NBPF11: variants seen among roughly 807,000 people sequenced by gnomAD.
The protein encoded by NBPF11 is NBPF member 11, also known as NBPF family member NBPF11.
A neutral mutation model predicts 93.9 loss-of-function variants in NBPF11; 72 were observed. The ratio of observed to expected loss-of-function variants is 0.77; its 90% CI spans 0.63 to 0.93. The LOEUF is 0.93. NBPF11 is among the 40% of genes least tolerant of loss of function. NBPF11 has a pLI of 0.00. For synonymous variants in NBPF11, 224 were observed against 304.9 expected, an observed-to-expected ratio of 0.73 and a Z score of 2.76; for missense variants, 705 against 802.2, an observed-to-expected ratio of 0.88 and a Z score of 1.46.
chr1:148,119,819 C>T (rs1446010330), intron 10 of NBPF11, among the ~76,000 whole-genome samples: 6 of 152,086 alleles, frequency 3.9e-5, no homozygotes, highest in African/African-American at 1.5e-4. Flanking sequence ...CCACGCCCAT[C>T]TACTTTTTGT....
chr1:148,151,461 C>T (rs1229321252), intron 1 of NBPF11, among the ~76,000 whole-genome samples: 2 of 152,048 alleles, frequency 1.3e-5, no homozygotes, highest in Non-Finnish European at 1.5e-5. Context: ...GAAGACGTGC[C>T]CCCGAAGCTG....
intron 2 of NBPF11, among the ~76,000 whole-genome samples, chr1:148,142,026 AAGGGAGGGAGGAAGGAAGGCAGGG>A (rs1248531786): frequency 5.2e-5 from 7 of 134,808 alleles, no homozygotes; most frequent in Admixed American, 3.7e-4. Context: ...GGAAGGAAGG[AAGGGAGGGAGGAAGGAAGGCAGGG>A]AGGGAGGGAG....
At chr1:148,146,657 T>C (rs1673155096) in intron 1 of NBPF11, 1 of 1,611,288 alleles carries the variant, frequency 6.2e-7, no homozygotes, top group Non-Finnish European at 8.5e-7. Context: ...ACCATCGAGG[T>C]CTTCCCCACC....
chr1:148,104,336 C>A (rs1445199453), intron 23 of NBPF11, among the ~76,000 whole-genome samples: 13,058 of 129,946 alleles, frequency 0.1, 907 homozygotes, highest in East Asian at 0.23. Context: ...AAGTATGGTC[C>A]ACCTATGGTA....
At position 148,126,775 on chromosome 1, in the gene NBPF11, G is replaced by C; in HGVS notation, c.175+54C>G. On this transcript the variant is annotated intron_variant, in intron 5 of 23. Transcript: ENST00000682118. ...GATGAAATTATTTTTGATGGAGAGA[G>C]CATTTAGTGTCTCACATTCATCACT... 3 of 1,580,168 alleles carry C rather than the reference G, an allele frequency of 1.9e-6. No homozygotes were observed. In the South Asian group the frequency reaches 3.3e-5, roughly 17 times the overall value.
In NBPF11 at chr1:148,103,431, C is replaced by T. The variant is rs1662751278; in HGVS notation, c.*465G>A. On this transcript the variant is annotated 3_prime_UTR_variant, in exon 24 of 24. Coordinates refer to ENST00000682118, the MANE Select transcript of NBPF11 (RefSeq NM_001385469.3). Reference sequence around the variant, plus strand: ...ACGTGGTTCAAATTAAAATGTCCGACTGATCACTCCCGGCATGTGCTGCAC... The same window carrying T: ...ACGTGGTTCAAATTAAAATGTCCGATTGATCACTCCCGGCATGTGCTGCAC... The T allele has an allele frequency of 1.7e-5, 11 of 630,038 alleles. No homozygotes were observed. In the South Asian group the frequency reaches 2.0e-4, roughly 11 times the overall value. 39.0% of individuals were successfully genotyped at this position (630,038 alleles called of 1,614,324 possible).
At chr1:148,151,451 G>A (rs1648299927) in intron 1 of NBPF11, among the ~76,000 whole-genome samples, 1 of 152,030 alleles carries the variant, frequency 6.6e-6, no homozygotes, top group Non-Finnish European at 1.5e-5. Context: ...CAGGACTTCC[G>A]AAGACGTGCC....
intron 10 of NBPF11, 35 bp downstream of exon 10, chr1:148,120,466 C>T: frequency 1.1e-6 from 1 of 883,924 alleles, no homozygotes. Context: ...GGACTTCGTT[C>T]ATCACTTTCG....
intron 13 of NBPF11, 62 bp downstream of exon 13, chr1:148,116,400 GT>G (rs1666559356): frequency 1.5e-6 from 1 of 672,956 alleles, no homozygotes; most frequent in Admixed American, 2.1e-5. Flanking sequence ...CAGAGAGGGT[GT>G]GCCTCCTAGA....
Position 148,115,908 on chromosome 1 carries a change from G to A in NBPF11, c.1470C>T (p.Asp490=), listed in dbSNP as rs1553269583. The part of the protein sequence containing the change: ...ITCSNSHGPY[D]SNQPHRKTKI... ...TGGTTTTTCTATGTGGCTGGTTGGA[G>A]TCATAAGGGCCATGGCTATTTGAAC... Residue 490 remains aspartate, a synonymous_variant, in exon 14 of 24, where the codon GAC becomes GAT. Coordinates refer to ENST00000682118, the MANE Select transcript of NBPF11 (RefSeq NM_001385469.3). The A allele has an allele frequency of 6.3e-7, 1 of 1,583,096 alleles. No individual in the cohort carries two copies. Among genetic ancestry groups the A allele is most frequent in the South Asian group, 1.1e-5 (1 of 90,394 alleles).
intron 4 of NBPF11, chr1:148,127,424 C>T: frequency 1.4e-5 from 1 of 72,474 alleles, no homozygotes; most frequent in South Asian, 1.8e-4. Flanking sequence ...GGGATCATTC[C>T]TTCAGCATTC....
chr1:148,124,115 A>C (rs1668527738), intron 6 of NBPF11, 48 bp from the exon 7 acceptor site: 53 of 1,606,330 alleles, frequency 3.3e-5, no homozygotes, highest in Admixed American at 8.3e-5. Context: ...GCATTGAGTG[A>C]TCCGTTCAAA....
At chr1:148,138,140 C>T (rs1402028494) in intron 2 of NBPF11, among the ~76,000 whole-genome samples, 15 of 145,142 alleles carry the variant, frequency 1.0e-4, no homozygotes, top group African/African-American at 2.1e-4. Flanking sequence ...GAAAAAAGTG[C>T]TGTGCTTTTG....
In NBPF11 at chr1:148,126,847, T is replaced by C. The variant is rs1553273218; in HGVS notation, c.157A>G (p.Asn53Asp). ...ATCTTACTGTATTTCTTCTGTCGGT[T>C]GGCCAGGAAGCCGGCCAGTTGAGTT... Reference protein sequence around the residue: ...FLTQLAGFLANRQKKYKYEEC... With the variant: ...FLTQLAGFLADRQKKYKYEEC... The change falls in exon 5 of 24, where the codon AAC becomes GAC. Residue 53 changes from asparagine to aspartate, a missense_variant. Transcript: ENST00000682118. The C allele has an allele frequency of 9.6e-6, 15 of 1,558,224 alleles. 1 individual carries two copies.
At chr1:148,141,213 G>A (rs1434240613) in intron 2 of NBPF11, among the ~76,000 whole-genome samples, 1 of 152,004 alleles carries the variant, frequency 6.6e-6, no homozygotes, top group Non-Finnish European at 1.5e-5. Context: ...GCATGATGCT[G>A]TATTGAGGAT....
chr1:148,111,891 A>G (rs1665368758), intron 15 of NBPF11, among the ~76,000 whole-genome samples: 1 of 150,882 alleles, frequency 6.6e-6, no homozygotes, highest in African/African-American at 2.5e-5. Flanking sequence ...AAATTCAGGA[A>G]ACACAGAGAA....
At chr1:148,146,388 G>A in intron 1 of NBPF11, 14 of 1,582,936 alleles carry the variant, frequency 8.8e-6, no homozygotes, top group African/African-American at 1.4e-5. Flanking sequence ...CCCGGGCGGC[G>A]CCCGCCATGA....
At chr1:148,114,171 C>T (rs1459313691) in intron 15 of NBPF11, among the ~76,000 whole-genome samples, 1 of 145,352 alleles carries the variant, frequency 6.9e-6, no homozygotes, top group African/African-American at 2.6e-5. Flanking sequence ...TCAATGAATC[C>T]AGGGCTGGTT....
chr1:148,115,917 G>C lies in NBPF11; in HGVS notation c.1461C>G (p.Gly487=). ...TATGTGGCTGGTTGGAGTCATAAGG[G>C]CCATGGCTATTTGAACAAGTGATGG... is the stretch of plus-strand genomic sequence containing the variant. ...ECAITCSNSH[G]PYDSNQPHRK... The change falls in exon 14 of 24, where the codon GGC becomes GGG. Residue 487 remains glycine, a synonymous_variant. Coordinates refer to ENST00000682118, the MANE Select transcript of NBPF11 (RefSeq NM_001385469.3). 1 of 1,584,264 alleles carries C rather than the reference G, an allele frequency of 6.3e-7. No individual in the cohort carries two copies. Among genetic ancestry groups the C allele is most frequent in the Non-Finnish European group, 8.6e-7 (1 of 1,162,956 alleles).
Sources: gnomAD v4.1 joint callset for allele counts (sites outside exome capture counted in the v4.1 genomes callset) on GRCh38, gnomAD v4.1.1 for gene constraint, MANE v1.5 for transcripts, NCBI Gene and HGNC (gene_info 2026-07-23, HGNC 2026-07-21) for gene names.